NFIB: variants seen among roughly 807,000 people sequenced by gnomAD.
The protein encoded by NFIB is nuclear factor 1 B-type.
In NFIB, 11 loss-of-function variants were observed where a neutral mutation model predicts 61.5. The ratio of observed to expected loss-of-function variants is 0.18; its 90% CI spans 0.11 to 0.30. The LOEUF (loss-of-function observed/expected upper bound fraction) is 0.30, where lower values mean the gene tolerates loss of function less well. Ranked by LOEUF, NFIB falls within the 10% of genes least tolerant of loss-of-function variation. NFIB has a pLI of 1.00. For synonymous variants in NFIB, 260 were observed against 216.5 expected, an observed-to-expected ratio of 1.20 and a Z score of -1.76; for missense variants, 471 against 608.9, an observed-to-expected ratio of 0.77 and a Z score of 2.38.
rs924548984 is a variant in NFIB at position 14,333,220 on chromosome 9, T to C, written c.109-25700A>G. ...ACATTATCTCATTTGATCCTCCTAA[T>C]AATCCTATATTACAGGTGTAATCTT... On this transcript the variant is annotated intron_variant, in intron 1 of 8. Transcript: ENST00000380934. Among the ~76,000 whole-genome samples the C allele has an allele frequency of 3.9e-5, 6 of 152,232 alleles. 1 individual carries two copies. The highest frequency in any genetic ancestry group is 8.8e-5 in the Non-Finnish European group (6 of 68,038).
At chr9:14,447,799 G>A in the NFIB span, among the ~76,000 whole-genome samples, 1 of 152,216 alleles carries the variant, frequency 6.6e-6, no homozygotes, top group East Asian at 1.9e-4. Flanking sequence ...ATAAAAACAA[G>A]AGTTCATGTT....
chr9:14,335,666 A>G (rs1171387385), intron 1 of NFIB, among the ~76,000 whole-genome samples: 7 of 152,198 alleles, frequency 4.6e-5, no homozygotes, highest in African/African-American at 1.7e-4. Context: ...CAGGTTCTTT[A>G]GAAGAGCAGA....
chr9:14,441,577 C>A, the NFIB span, among the ~76,000 whole-genome samples: 479 of 139,214 alleles, frequency 3.4e-3, 7 homozygotes, highest in Admixed American at 0.033. Flanking sequence ...GCCCAGAATT[C>A]TTTCTTTTTC....
chr9:14,364,467 T>C (rs2061276493), intron 1 of NFIB, among the ~76,000 whole-genome samples: 1 of 152,188 alleles, frequency 6.6e-6, no homozygotes, highest in East Asian at 1.9e-4. Context: ...TAGAAACAAT[T>C]TGTCTCTGAA....
At chr9:14,406,256 A>C in the NFIB span, among the ~76,000 whole-genome samples, 1 of 152,304 alleles carries the variant, frequency 6.6e-6, no homozygotes. Flanking sequence ...TCTTTCCCCC[A>C]GTAAAATATG....
chr9:14,092,442 G>A (rs766805100), intron 10 of NFIB, among the ~76,000 whole-genome samples: 5 of 152,058 alleles, frequency 3.3e-5, no homozygotes, highest in Non-Finnish European at 7.4e-5. Flanking sequence ...ACTGAGGCAA[G>A]TTAAGTTCCT....
intron 10 of NFIB, among the ~76,000 whole-genome samples, chr9:14,099,909 TA>T (rs1181970220): frequency 6.6e-6 from 1 of 152,044 alleles, no homozygotes; most frequent in Non-Finnish European, 1.5e-5. Flanking sequence ...CAGTGTGTGC[TA>T]AAAATACAAA....
intron 3 of NFIB, among the ~76,000 whole-genome samples, chr9:14,156,372 C>A (rs2043409081): frequency 6.6e-6 from 1 of 152,182 alleles, no homozygotes. Flanking sequence ...TTACCAGCAC[C>A]CCGACCCTTG....
intron 1 of NFIB, among the ~76,000 whole-genome samples, chr9:14,388,662 C>A (rs2061584013): frequency 6.6e-6 from 1 of 152,084 alleles, no homozygotes; most frequent in South Asian, 2.1e-4. Flanking sequence ...ATATGACCAA[C>A]TTCTAGATAG....
At chr9:14,478,998 T>G in the NFIB span, among the ~76,000 whole-genome samples, 2 of 152,236 alleles carry the variant, frequency 1.3e-5, no homozygotes, top group African/African-American at 4.8e-5. Flanking sequence ...GCTGGCATAT[T>G]ACATCATCCT....
chr9:14,309,985 C>A (rs186687658), intron 1 of NFIB, among the ~76,000 whole-genome samples: 1 of 152,146 alleles, frequency 6.6e-6, no homozygotes, highest in East Asian at 1.9e-4. Flanking sequence ...TGTGGTAACA[C>A]GTAAGTACTT....
At chr9:14,520,706 C>T in the NFIB span, among the ~76,000 whole-genome samples, 1 of 152,252 alleles carries the variant, frequency 6.6e-6, no homozygotes, top group South Asian at 2.1e-4. Flanking sequence ...TGTCATGACC[C>T]ATTAGCAGGT....
At chr9:14,299,079 G>A (rs1563988619) in intron 2 of NFIB, among the ~76,000 whole-genome samples, 1 of 152,168 alleles carries the variant, frequency 6.6e-6, no homozygotes, top group Non-Finnish European at 1.5e-5. Context: ...TAATAGAGGG[G>A]TATAGACTTC....
chr9:14,429,465 C>A, the NFIB span, among the ~76,000 whole-genome samples: 5 of 152,202 alleles, frequency 3.3e-5, no homozygotes, highest in Non-Finnish European at 7.3e-5. Flanking sequence ...CCCACATTTC[C>A]AGGCCTTGCC....
At chr9:14,308,764 C>T (rs965742750) in intron 1 of NFIB, among the ~76,000 whole-genome samples, 2 of 152,136 alleles carry the variant, frequency 1.3e-5, no homozygotes, top group Admixed American at 6.5e-5. Flanking sequence ...AGTAGTTTAC[C>T]TTTAGGCTCC....
intron 4 of NFIB, among the ~76,000 whole-genome samples, chr9:14,152,925 A>G (rs2043018545): frequency 6.6e-6 from 1 of 152,092 alleles, no homozygotes; most frequent in Non-Finnish European, 1.5e-5. Context: ...ACATACAGTT[A>G]TAATAGACAG....
intron 1 of NFIB, among the ~76,000 whole-genome samples, chr9:14,311,692 A>G (rs949467184): frequency 6.6e-6 from 1 of 152,208 alleles, no homozygotes; most frequent in East Asian, 1.9e-4. Flanking sequence ...TTTTCAATAC[A>G]TATTTGGAGG....
intron 2 of NFIB, among the ~76,000 whole-genome samples, chr9:14,193,277 T>C (rs1339137260): frequency 6.6e-6 from 1 of 152,098 alleles, no homozygotes. Context: ...AGTTTTTTCT[T>C]GTGCATGTGT....
chr9:14,186,903 C>T (rs1439148333), intron 2 of NFIB, among the ~76,000 whole-genome samples: 1 of 151,880 alleles, frequency 6.6e-6, no homozygotes, highest in East Asian at 1.9e-4. Flanking sequence ...AATAAGACAA[C>T]GAAAGAACAT....
Sources: gnomAD v4.1 joint callset for allele counts (sites outside exome capture counted in the v4.1 genomes callset) on GRCh38, gnomAD v4.1.1 for gene constraint, MANE v1.5 for transcripts, NCBI Gene and HGNC (gene_info 2026-07-23, HGNC 2026-07-21) for gene names.